Variants in SNRPN observed in about 807,000 individuals in gnomAD.
The protein encoded by SNRPN is small nuclear ribonucleoprotein polypeptide N.
SNRPN carries 7 observed loss-of-function variants against 25.2 expected under a neutral mutation model. The observed-to-expected ratio is 0.28, with a 90% CI of 0.16 to 0.52. SNRPN has a LOEUF of 0.52. Ranked by LOEUF, SNRPN falls within the 20% of genes least tolerant of loss-of-function variation. The pLI is 0.96. For synonymous variants in SNRPN, 124 were observed against 110.6 expected, an observed-to-expected ratio of 1.12 and a Z score of -0.76; for missense variants, 196 against 322.5, an observed-to-expected ratio of 0.61 and a Z score of 3.00.
chr15:24,932,933 GC>G (rs2060972749), intron 3 of SNRPN, among the ~76,000 whole-genome samples: 1 of 152,120 alleles, frequency 6.6e-6, no homozygotes, highest in African/African-American at 2.4e-5. Context: ...ACAGGCGTGA[GC>G]CCCCATGCCT....
chr15:24,883,191 T>G (rs2047433), intron 1 of SNRPN, among the ~76,000 whole-genome samples: 98,471 of 152,140 alleles, frequency 0.65, 32,347 homozygotes, highest in African/African-American at 0.74. Context: ...AGGAAGCCAG[T>G]AAAATCAGAA....
At chr15:24,943,931 C>T (rs918084880) in intron 3 of SNRPN, among the ~76,000 whole-genome samples, 1 of 152,292 alleles carries the variant, frequency 6.6e-6, no homozygotes, top group African/African-American at 2.4e-5. Context: ...AAGCAATTCT[C>T]ATGCCTCAGC....
At chr15:24,951,972 T>C (rs1035308337), upstream of SNRPN, among the ~76,000 whole-genome samples, 3 of 152,196 alleles carry the variant, frequency 2.0e-5, no homozygotes, top group Non-Finnish European at 4.4e-5. Context: ...TTATTATTTT[T>C]GGTTGCTTTT....
intron 2 of SNRPN, among the ~76,000 whole-genome samples, chr15:24,843,135 G>A (rs1350729426): frequency 6.6e-6 from 1 of 151,948 alleles, no homozygotes; most frequent in African/African-American, 2.4e-5. Flanking sequence ...GTGCAATCCT[G>A]CAACCTCGGC....
intron 3 of SNRPN, among the ~76,000 whole-genome samples, chr15:24,971,972 C>T (rs2076464410): frequency 6.6e-6 from 1 of 151,990 alleles, no homozygotes; most frequent in African/African-American, 2.4e-5. Flanking sequence ...ATGGATATTG[C>T]TGGCTGGGCG....
At chr15:24,890,829 G>C (rs2057610183) in intron 2 of SNRPN, among the ~76,000 whole-genome samples, 1 of 152,206 alleles carries the variant, frequency 6.6e-6, no homozygotes, top group Non-Finnish European at 1.5e-5. Context: ...TTGTAATCAG[G>C]ATCTCAGCCA....
At chr15:24,898,777 T>TG (rs1231561311) in intron 2 of SNRPN, among the ~76,000 whole-genome samples, 1 of 151,920 alleles carries the variant, frequency 6.6e-6, no homozygotes, top group Non-Finnish European at 1.5e-5. Context: ...CACCAGGCCG[T>TG]GGGGGCGATG....
At chr15:24,964,994 A>G (rs765767306) in intron 2 of SNRPN, among the ~76,000 whole-genome samples, 3 of 152,184 alleles carry the variant, frequency 2.0e-5, no homozygotes, top group Non-Finnish European at 4.4e-5. Flanking sequence ...GTGTAGAGTT[A>G]GGGAAATAGT....
intron 2 of SNRPN, among the ~76,000 whole-genome samples, chr15:24,908,082 TAAGA>T (rs1375771848): frequency 9.9e-6 from 1 of 100,762 alleles, no homozygotes; most frequent in Non-Finnish European, 2.1e-5. Flanking sequence ...AAAAAAAGAA[TAAGA>T]AAGAAAGAAA....
At chr15:24,950,647 A>G (rs575866034), upstream of SNRPN, among the ~76,000 whole-genome samples, 149 of 146,728 alleles carry the variant, frequency 1.0e-3, 2 homozygotes, top group African/African-American at 3.5e-3. Context: ...TCTCAGGCTC[A>G]AGTGATTCTC....
At chr15:24,862,383 G>A (rs2054066017) in intron 1 of SNRPN, among the ~76,000 whole-genome samples, 5 of 150,640 alleles carry the variant, frequency 3.3e-5, no homozygotes. Context: ...AAAAGGCTGG[G>A]CAGAATCAGG....
At chr15:24,864,477 G>T (rs565579168) in intron 1 of SNRPN, among the ~76,000 whole-genome samples, 7 of 150,222 alleles carry the variant, frequency 4.7e-5, no homozygotes, top group Non-Finnish European at 8.9e-5. Flanking sequence ...CCTAGTAGCT[G>T]GGATTACAGG....
Position 24,937,058 on chromosome 15 carries a change from C to T in SNRPN, c.-391+16934C>T, listed in dbSNP as rs535227336. Reference sequence around the variant, plus strand: ...AGGAGATCGAGACAATCCTGGCCAACGTGGTGAAACTCTCTCTACTAAACA... The same window carrying T: ...AGGAGATCGAGACAATCCTGGCCAATGTGGTGAAACTCTCTCTACTAAACA... On this transcript the variant is annotated intron_variant, in intron 3 of 11. Coordinates refer to the SNRPN transcript ENST00000400097. 3.5e-3 allele frequency among the ~76,000 whole-genome samples: 531 copies of T among 152,010 alleles called. 2 individuals are homozygous for T. The highest frequency in any genetic ancestry group is 5.6e-3 in the Non-Finnish European group (380 of 67,980).
intron 3 of SNRPN, among the ~76,000 whole-genome samples, chr15:24,973,981 A>G (rs979316230): frequency 1.3e-5 from 2 of 152,242 alleles, no homozygotes; most frequent in Non-Finnish European, 2.9e-5. Context: ...AGATGACTTC[A>G]TATTAATTCT....
intron 2 of SNRPN, among the ~76,000 whole-genome samples, chr15:24,842,838 G>A (rs1186139600): frequency 1.3e-5 from 2 of 152,144 alleles, no homozygotes; most frequent in Non-Finnish European, 2.9e-5. Context: ...GGACTGTTTT[G>A]CATTTTCACC....
intron 2 of SNRPN, among the ~76,000 whole-genome samples, chr15:24,893,574 T>C (rs8023332): frequency 0.42 from 63,059 of 150,830 alleles, 13,919 homozygotes; most frequent in East Asian, 0.68. Context: ...GCTGTGATTG[T>C]GCCACTACAC....
intron 2 of SNRPN, chr15:24,908,931 A>G: frequency 8.8e-7 from 1 of 1,134,706 alleles, no homozygotes; most frequent in South Asian, 1.4e-5. Flanking sequence ...TGTTTGGTTT[A>G]GCTCTCAGCA....
intron 2 of SNRPN, chr15:24,909,167 T>A: frequency 7.1e-7 from 1 of 1,418,342 alleles, no homozygotes; most frequent in South Asian, 1.1e-5. Flanking sequence ...CTGTTTCTTG[T>A]AAGCATTTTC....
intron 2 of SNRPN, among the ~76,000 whole-genome samples, chr15:24,915,620 T>C (rs2059462484): frequency 6.6e-6 from 1 of 152,180 alleles, no homozygotes; most frequent in Admixed American, 6.5e-5. Flanking sequence ...AATCAGTTTG[T>C]TTTCCCAGTG....
Sources: allele counts gnomAD v4.1 joint callset (sites outside exome capture counted in the v4.1 genomes callset), GRCh38; gene constraint gnomAD v4.1.1; transcripts MANE v1.5; gene names NCBI Gene and HGNC (gene_info 2026-07-23, HGNC 2026-07-21).